KIAA1549L: variants seen among roughly 807,000 people sequenced by gnomAD.
KIAA1549L encodes KIAA1549 like, also known as UPF0606 protein KIAA1549L.
In KIAA1549L, 88 loss-of-function variants were observed where a neutral mutation model predicts 160.7. The ratio of observed to expected loss-of-function variants is 0.55; its 90% CI spans 0.46 to 0.65. The LOEUF (loss-of-function observed/expected upper bound fraction) is 0.65, where lower values mean the gene tolerates loss of function less well. KIAA1549L is among the 30% of genes least tolerant of loss of function. The pLI is 0.00. For synonymous variants in KIAA1549L, 950 were observed against 976.7 expected (o/e 0.97, Z 0.51); for missense variants, 2,258 against 2,437.5 (o/e 0.93, Z 1.55).
At chr11:33,497,597 AG>A (rs1437340025) in intron 1 of KIAA1549L, among the ~76,000 whole-genome samples, 1 of 152,212 alleles carries the variant, frequency 6.6e-6, no homozygotes, top group Non-Finnish European at 1.5e-5. Context: ...GTTCTTTTTT[AG>A]TATATCTGGA....
At chr11:33,599,849 G>C (rs988990099) in intron 13 of KIAA1549L, among the ~76,000 whole-genome samples, 1 of 152,192 alleles carries the variant, frequency 6.6e-6, no homozygotes, top group Non-Finnish European at 1.5e-5. Flanking sequence ...TGGGTTGTAG[G>C]TGGAGCCCTA....
chr11:33,520,742 C>T (rs945661683), intron 1 of KIAA1549L, among the ~76,000 whole-genome samples: 106 of 146,986 alleles, frequency 7.2e-4, no homozygotes, highest in Non-Finnish European at 1.2e-3. Context: ...CACACACACT[C>T]CCTCTCTCTC....
chr11:33,497,227 A>T (rs1852841870), intron 1 of KIAA1549L, among the ~76,000 whole-genome samples: 1 of 152,140 alleles, frequency 6.6e-6, no homozygotes, highest in African/African-American at 2.4e-5. Context: ...CTTAAAAAAA[A>T]ATTTATTCTT....
chr11:33,545,117 C>T lies in KIAA1549L; in HGVS notation c.3124C>T (p.Pro1042Ser). Residue 1042 changes from proline (P) to serine (S), a missense_variant, in exon 3 of 21, where the codon CCC becomes TCC. Pro to Ser is a moderately conservative substitution (Grantham distance 74, BLOSUM62 -1). Coordinates refer to ENST00000658780, the MANE Select transcript of KIAA1549L (RefSeq NM_012194.3). ...ASGLLSTTYL[P>S]RKPQAMHTGL... ...TGGCCTGTTGTCTACAACTTACCTC[C>T]CCAGGAAACCACAAGCCATGCACAC... is the stretch of plus-strand genomic sequence containing the variant. 1 of 1,614,006 alleles carries T rather than the reference C, an allele frequency of 6.2e-7. No homozygotes were observed. The highest frequency in any genetic ancestry group is 1.1e-5 in the South Asian group (1 of 91,084).
chr11:33,520,674 C>G (rs1853462497), intron 1 of KIAA1549L, among the ~76,000 whole-genome samples: 2 of 141,430 alleles, frequency 1.4e-5, no homozygotes, highest in Admixed American at 1.4e-4. Flanking sequence ...GACATACACC[C>G]CCCACCCCCA....
intron 1 of KIAA1549L, among the ~76,000 whole-genome samples, chr11:33,421,360 C>T (rs970717276): frequency 2.6e-5 from 4 of 152,166 alleles, no homozygotes; most frequent in Non-Finnish European, 5.9e-5. Context: ...TGTCCCATGA[C>T]AGGAGCTTTT....
chr11:33,382,350 C>G (rs1230915560), intron 1 of KIAA1549L, among the ~76,000 whole-genome samples: 1 of 152,070 alleles, frequency 6.6e-6, no homozygotes, highest in East Asian at 1.9e-4. Context: ...TAGATAGGCA[C>G]TAGCAATGCA....
chr11:33,403,206 C>CAGACATAGACATAT (rs374431765), intron 1 of KIAA1549L: 2 of 104,274 alleles, frequency 1.9e-5, no homozygotes, highest in East Asian at 3.0e-4. Flanking sequence ...CACAGACACA[C>CAGACATAGACATAT]GCACCCACAC....
intron 1 of KIAA1549L, among the ~76,000 whole-genome samples, chr11:33,495,164 T>C (rs1222761692): frequency 6.6e-6 from 1 of 152,126 alleles, no homozygotes; most frequent in Non-Finnish European, 1.5e-5. Flanking sequence ...TTAGGGTACA[T>C]GTCCACAATG....
chr11:33,469,236 T>A (rs187784072), intron 1 of KIAA1549L, among the ~76,000 whole-genome samples: 1 of 152,340 alleles, frequency 6.6e-6, no homozygotes, highest in Admixed American at 6.5e-5. Flanking sequence ...CTTCTGTCTC[T>A]GTGGATTGGC....
At chr11:33,394,850 GGCTGCCCT>G (rs1199949103) in intron 1 of KIAA1549L, among the ~76,000 whole-genome samples, 1 of 152,250 alleles carries the variant, frequency 6.6e-6, no homozygotes, top group Non-Finnish European at 1.5e-5. Flanking sequence ...TGGCTCCCAA[GGCTGCCCT>G]GCTTGTCTGC....
chr11:33,496,460 A>G (rs1852822680), intron 1 of KIAA1549L, among the ~76,000 whole-genome samples: 1 of 152,228 alleles, frequency 6.6e-6, no homozygotes, highest in African/African-American at 2.4e-5. Flanking sequence ...GGTCTAGTGC[A>G]CATCTTGGCT....
intron 1 of KIAA1549L, among the ~76,000 whole-genome samples, chr11:33,388,190 A>G (rs1321484260): frequency 2.0e-5 from 3 of 152,166 alleles, no homozygotes; most frequent in African/African-American, 7.2e-5. Flanking sequence ...ACAGTTCCGC[A>G]TGGCTGGGGA....
At position 33,646,023 on chromosome 11, in the gene KIAA1549L, G is replaced by C. The variant is rs1443287475; in HGVS notation, c.5747G>C (p.Ser1916Thr). The change falls in exon 17 of 21, where the codon AGT becomes ACT. Residue 1916 changes from serine to threonine, a missense_variant. Ser to Thr is a moderately conservative substitution (Grantham distance 58, BLOSUM62 1). Transcript: ENST00000658780. ...PTYRPEMYQY[S>T]LPRPAYRFSQ... The stretch of plus-strand genomic sequence containing the variant: ...TACCGCCCAGAAATGTATCAGTACA[G>C]TCTGCCCCGGCCGGTAAGTCATTCA... The C allele has an allele frequency of 6.4e-7, 1 of 1,574,578 alleles. No homozygotes were observed. The highest frequency in any genetic ancestry group is 1.3e-5 in the African/African-American group (1 of 74,088).
At position 33,621,634 on chromosome 11, in the gene KIAA1549L, T is replaced by C. The variant is rs370753032; in HGVS notation, c.5409+2972T>C. Among the ~76,000 whole-genome samples the C allele has an allele frequency of 5.9e-5, 9 of 152,212 alleles. No homozygotes were observed. In the East Asian group the frequency reaches 1.2e-3, roughly 20 times the overall value. On this transcript the variant is annotated intron_variant, in intron 16 of 20. Transcript: ENST00000658780. ...AATGTTATTTTCTGAATGAAAGTCATGTGGAAAATAATGAAGCAGTAAGGA... is the reference window on the plus strand; with the variant it reads ...AATGTTATTTTCTGAATGAAAGTCACGTGGAAAATAATGAAGCAGTAAGGA...
chr11:33,435,568 C>T (rs1354498728), intron 1 of KIAA1549L, among the ~76,000 whole-genome samples: 1 of 151,208 alleles, frequency 6.6e-6, no homozygotes, highest in Non-Finnish European at 1.5e-5. Flanking sequence ...TTTGCTCCTA[C>T]ATATTTTATG....
chr11:33,635,697 GACAAAACTGTTTCA>G, intron 16 of KIAA1549L, among the ~76,000 whole-genome samples: 1 of 30,494 alleles, frequency 3.3e-5, no homozygotes, highest in South Asian at 6.7e-4. Flanking sequence ...ATTCATTTTA[GACAAAACTGTTTCA>G]TTCATTTTAG....
Position 33,543,226 on chromosome 11 carries a change from T to C in KIAA1549L, c.1663T>C (p.Trp555Arg). 3.7e-6 allele frequency: 6 copies of C among 1,614,042 alleles called. No individual in the cohort carries two copies. Among genetic ancestry groups the C allele is most frequent in the Non-Finnish European group, 5.1e-6 (6 of 1,179,904 alleles). ...AGTTCCTAATCTTCTTTCCACATCT[T>C]GGACATTTCCCCGGTGGAAAAAGGA... ...SKVPNLLSTSWTFPRWKKDSV... is the reference protein window; with the variant it reads ...SKVPNLLSTSRTFPRWKKDSV... The change falls in exon 2 of 21, where the codon TGG becomes CGG. Residue 555 changes from tryptophan (W) to arginine (R), a missense_variant. By Grantham distance (101) the Trp-to-Arg change is moderately radical (BLOSUM62 -3). This residue lies in a region of KIAA1549L where 540 missense variants were observed against 465.7 expected (regional missense o/e 1.16). Transcript: ENST00000658780.
intron 1 of KIAA1549L, among the ~76,000 whole-genome samples, chr11:33,435,787 T>TGTGTGTGTGTGTGTG (rs1851347907): frequency 9.1e-5 from 1 of 11,010 alleles, no homozygotes; most frequent in Non-Finnish European, 1.4e-4. Flanking sequence ...TATATATATA[T>TGTGTGTGTGTGTGTG]ATATATATAT....
Sources: gnomAD v4.1 joint callset for allele counts (sites outside exome capture counted in the v4.1 genomes callset) on GRCh38, gnomAD v4.1.1 for gene constraint, gnomAD v4.1.1 regional missense constraint, MANE v1.5 for transcripts, NCBI Gene and HGNC (gene_info 2026-07-23, HGNC 2026-07-21) for gene names.